CPQ: variants seen among roughly 807,000 people sequenced by gnomAD.
CPQ encodes Ser-Met dipeptidase.
A neutral mutation model predicts 45.7 loss-of-function variants in CPQ; 37 were observed. The ratio of observed to expected loss-of-function variants is 0.81; its 90% CI spans 0.62 to 1.07. The LOEUF (loss-of-function observed/expected upper bound fraction) is 1.07. Ranked by LOEUF, CPQ falls within the 50% of genes least tolerant of loss-of-function variation. CPQ has a pLI of 0.00. For synonymous variants in CPQ, 186 were observed against 205.8 expected (o/e 0.90, Z 0.82); for missense variants, 537 against 572.9 (o/e 0.94, Z 0.64).
chr8:97,133,894 CTTTATT>C (rs1193230578), intron 7 of CPQ, among the ~76,000 whole-genome samples: 3 of 152,066 alleles, frequency 2.0e-5, no homozygotes, highest in Admixed American at 1.3e-4. Context: ...TACCTTTTTG[CTTTATT>C]TTTAAGTCAT....
At chr8:96,934,854 G>A (rs1813023653) in intron 4 of CPQ, among the ~76,000 whole-genome samples, 1 of 152,106 alleles carries the variant, frequency 6.6e-6, no homozygotes. Context: ...CCAAAGATAA[G>A]CACTTACGGG....
At chr8:96,852,836 G>A (rs1350655418) in intron 3 of CPQ, among the ~76,000 whole-genome samples, 1 of 152,094 alleles carries the variant, frequency 6.6e-6, no homozygotes, top group Non-Finnish European at 1.5e-5. Context: ...TTTGTTCATG[G>A]TTGACCCAGA....
intron 6 of CPQ, among the ~76,000 whole-genome samples, chr8:97,061,269 G>A (rs906438386): frequency 6.8e-6 from 1 of 146,326 alleles, no homozygotes; most frequent in Non-Finnish European, 1.5e-5. Flanking sequence ...TTTTGTTTTT[G>A]TTTTCATTTC....
At chr8:96,955,567 T>G (rs900386373) in intron 4 of CPQ, among the ~76,000 whole-genome samples, 2 of 152,070 alleles carry the variant, frequency 1.3e-5, no homozygotes, top group Non-Finnish European at 2.9e-5. Flanking sequence ...CATTGCCAAG[T>G]CAATCCTAAG....
chr8:96,970,841 G>A (rs1813660998), intron 5 of CPQ, among the ~76,000 whole-genome samples: 2 of 152,160 alleles, frequency 1.3e-5, no homozygotes, highest in Admixed American at 1.3e-4. Context: ...GGGATTACAG[G>A]CGTGAGCCAC....
At position 96,832,888 on chromosome 8, in the gene CPQ, C is replaced by T. The variant is rs904079240; in HGVS notation, c.434-2085C>T. Among the ~76,000 whole-genome samples the T allele has an allele frequency of 9.9e-5, 15 of 152,086 alleles. 1 individual carries two copies. Among genetic ancestry groups the T allele is most frequent in the Admixed American group, 2.0e-4 (3 of 15,260 alleles). ...CAGATCTGACTCTTCAGTAGTTTGA[C>T]TTGTTCACTCTGGCAGCTCTGTGAA... On this transcript the variant is annotated intron_variant, in intron 2 of 7. Coordinates refer to ENST00000220763, the MANE Select transcript of CPQ (RefSeq NM_016134.4).
intron 1 of CPQ, among the ~76,000 whole-genome samples, chr8:96,764,992 T>G (rs1209927820): frequency 2.0e-5 from 3 of 152,214 alleles, no homozygotes; most frequent in Non-Finnish European, 4.4e-5. Flanking sequence ...AAACCAGCCT[T>G]TGCACCTGCC....
chr8:96,819,208 T>C (rs1381310198), intron 2 of CPQ, among the ~76,000 whole-genome samples: 1 of 106,954 alleles, frequency 9.3e-6, no homozygotes. Context: ...GGGGCTAATA[T>C]GAGGGAGCTT....
intron 5 of CPQ, among the ~76,000 whole-genome samples, chr8:96,980,922 TTTTTCCCATCCC>T (rs1381330851): frequency 6.6e-6 from 1 of 152,180 alleles, no homozygotes; most frequent in Non-Finnish European, 1.5e-5. Context: ...GCACAGATCA[TTTTTCCCATCCC>T]TTTTGCTCTC....
chr8:97,014,307 G>T (rs1336668448), intron 5 of CPQ, among the ~76,000 whole-genome samples: 1 of 152,128 alleles, frequency 6.6e-6, no homozygotes, highest in Admixed American at 6.6e-5. Context: ...TGGGGGCTGA[G>T]AATAGAGCAG....
chr8:96,936,876 G>A (rs1213137549), intron 4 of CPQ, among the ~76,000 whole-genome samples: 3 of 152,032 alleles, frequency 2.0e-5, no homozygotes, highest in Non-Finnish European at 4.4e-5. Context: ...CATTCCCATA[G>A]CTTTAAAAGT....
intron 4 of CPQ, among the ~76,000 whole-genome samples, chr8:96,920,210 T>G (rs1266241052): frequency 2.0e-5 from 3 of 152,086 alleles, no homozygotes; most frequent in African/African-American, 7.2e-5. Flanking sequence ...ATGGAGGGGT[T>G]GGGAACTGGG....
intron 1 of CPQ, among the ~76,000 whole-genome samples, chr8:96,671,567 G>A (rs1809005644): frequency 1.3e-5 from 2 of 152,102 alleles, no homozygotes; most frequent in African/African-American, 4.8e-5. Flanking sequence ...GCCTACCTAA[G>A]GTTTGGCAGC....
At chr8:96,852,277 C>G (rs1811780228) in intron 3 of CPQ, among the ~76,000 whole-genome samples, 1 of 152,164 alleles carries the variant, frequency 6.6e-6, no homozygotes, top group Non-Finnish European at 1.5e-5. Context: ...TTCTCCACTG[C>G]TATTTCCTTC....
chr8:97,051,875 A>G (rs376520735), intron 6 of CPQ, among the ~76,000 whole-genome samples: 1 of 152,064 alleles, frequency 6.6e-6, no homozygotes, highest in African/African-American at 2.4e-5. Flanking sequence ...TGTAGTGTCC[A>G]CCCCTCTCTG....
At chr8:96,707,644 AAAC>A (rs1809550048) in intron 1 of CPQ, among the ~76,000 whole-genome samples, 1 of 152,006 alleles carries the variant, frequency 6.6e-6, no homozygotes, top group Non-Finnish European at 1.5e-5. Context: ...TTACTGGCTT[AAAC>A]AACACAATTT....
chr8:96,947,406 C>T (rs1813205597), intron 4 of CPQ, among the ~76,000 whole-genome samples: 1 of 148,224 alleles, frequency 6.7e-6, no homozygotes, highest in Admixed American at 6.6e-5. Context: ...CCATTGTCTC[C>T]TACTATTGGT....
intron 4 of CPQ, among the ~76,000 whole-genome samples, chr8:96,891,864 G>A (rs762744842): frequency 3.3e-5 from 5 of 152,244 alleles, no homozygotes; most frequent in Non-Finnish European, 5.9e-5. Flanking sequence ...GAGGGCAACC[G>A]TCCTGGTCTA....
intron 1 of CPQ, among the ~76,000 whole-genome samples, chr8:96,669,570 GA>G (rs1174798933): frequency 2.0e-5 from 3 of 151,218 alleles, no homozygotes; most frequent in East Asian, 1.9e-4. Context: ...AAGACAGGAG[GA>G]AAAAAAACCT....
Sources: allele counts gnomAD v4.1 joint callset (sites outside exome capture counted in the v4.1 genomes callset), GRCh38; gene constraint gnomAD v4.1.1; transcripts MANE v1.5; gene names NCBI Gene and HGNC (gene_info 2026-07-23, HGNC 2026-07-21).